Variants in EBF1 observed in about 807,000 individuals in gnomAD.
EBF1 encodes transcription factor COE1.
EBF1 carries 10 observed loss-of-function variants against 68.4 expected under a neutral mutation model. That is an observed-to-expected ratio of 0.15 (90% CI 0.09 to 0.25). EBF1 has a LOEUF of 0.25. Ranked by LOEUF, EBF1 falls within the 10% of genes least tolerant of loss-of-function variation. The probability of loss-of-function intolerance (pLI) is 1.00; values close to 1 mark genes in which losing one functional copy is unlikely to be tolerated. For synonymous variants in EBF1, 298 were observed against 299.8 expected, an observed-to-expected ratio of 0.99 and a Z score of 0.06; for missense variants, 509 against 794.4, an observed-to-expected ratio of 0.64 and a Z score of 4.32.
At position 158,766,582 on chromosome 5, in the gene EBF1, G is replaced by GA. The variant is rs539510240; in HGVS notation, c.1036+10830dup. On this transcript the variant is annotated intron_variant, in intron 10 of 15. Coordinates refer to ENST00000313708, the MANE Select transcript of EBF1 (RefSeq NM_024007.5). ...GCTCTGGAAGCCCTAAACTTCACTA[G>GA]AAAAAAGGGAGAACACCAAATATTC... Among the ~76,000 whole-genome samples, 20 of 152,130 alleles carry GA rather than the reference G, an allele frequency of 1.3e-4. No homozygotes were observed. In the South Asian group the frequency reaches 3.9e-3, roughly 30 times the overall value.
chr5:158,767,004 G>A (rs1450407660), intron 10 of EBF1, among the ~76,000 whole-genome samples: 2 of 152,064 alleles, frequency 1.3e-5, no homozygotes, highest in Admixed American at 6.6e-5. Context: ...TACATATACA[G>A]CTCAGTTCCT....
intron 9 of EBF1, among the ~76,000 whole-genome samples, chr5:158,791,728 C>G (rs1265058778): frequency 6.6e-6 from 1 of 152,154 alleles, no homozygotes; most frequent in Non-Finnish European, 1.5e-5. Flanking sequence ...CTACTTCTGA[C>G]TACACCACTC....
intron 5 of EBF1, among the ~76,000 whole-genome samples, chr5:159,075,315 C>G (rs1283701917): frequency 1.3e-5 from 2 of 152,192 alleles, no homozygotes; most frequent in African/African-American, 4.8e-5. Flanking sequence ...CCTTCAAGTC[C>G]AGGCAAATCT....
At chr5:158,741,635 G>A (rs1032396092) in intron 10 of EBF1, among the ~76,000 whole-genome samples, 2 of 151,552 alleles carry the variant, frequency 1.3e-5, no homozygotes, top group African/African-American at 4.9e-5. Context: ...CCTTAAACTG[G>A]TAGTTTATAC....
chr5:159,006,647 TAAAAAAAAAAAAAAA>T (rs36045942), intron 6 of EBF1, among the ~76,000 whole-genome samples: 2 of 56,226 alleles, frequency 3.6e-5, no homozygotes, highest in Non-Finnish European at 6.0e-5. Flanking sequence ...ATAGCCATGT[TAAAAAAAAAAAAAAA>T]AAAAAAAAAA....
chr5:158,930,170 CT>C (rs893050189), intron 6 of EBF1, among the ~76,000 whole-genome samples: 7 of 149,012 alleles, frequency 4.7e-5, no homozygotes, highest in Non-Finnish European at 6.0e-5. Context: ...GTATCTGTTA[CT>C]TTTTTTTTTC....
intron 9 of EBF1, among the ~76,000 whole-genome samples, chr5:158,778,273 C>T (rs1297333605): frequency 1.3e-5 from 2 of 152,100 alleles, no homozygotes; most frequent in African/African-American, 4.8e-5. Context: ...TTACTCTTAT[C>T]TTTGTTTACA....
At chr5:158,722,659 A>G (rs1249895913) in intron 11 of EBF1, among the ~76,000 whole-genome samples, 2 of 152,350 alleles carry the variant, frequency 1.3e-5, no homozygotes, top group African/African-American at 4.8e-5. Flanking sequence ...CGGTTATCAT[A>G]TGTATCTCCA....
intron 6 of EBF1, among the ~76,000 whole-genome samples, chr5:159,043,059 A>G (rs994727846): frequency 6.6e-6 from 1 of 152,214 alleles, no homozygotes; most frequent in South Asian, 2.1e-4. Context: ...GTCTAATTGA[A>G]TCAGGTACCT....
intron 5 of EBF1, among the ~76,000 whole-genome samples, chr5:159,081,034 G>A (rs958829500): frequency 2.0e-5 from 3 of 152,216 alleles, no homozygotes; most frequent in Admixed American, 6.5e-5. Flanking sequence ...AAGCTGGAGT[G>A]CAGTGGTGCA....
intron 6 of EBF1, among the ~76,000 whole-genome samples, chr5:158,909,658 G>T (rs988576887): frequency 1.3e-5 from 2 of 152,126 alleles, no homozygotes; most frequent in African/African-American, 4.8e-5. Context: ...AGGAGGGGAG[G>T]CCGGGTGCGG....
At position 159,074,671 on chromosome 5, in the gene EBF1, A is replaced by T. The variant is rs368215375; in HGVS notation, c.486-1207T>A. 3.3e-5 allele frequency among the ~76,000 whole-genome samples: 5 copies of T among 152,212 alleles called. No individual in the cohort carries two copies. In the East Asian group the frequency reaches 9.6e-4, roughly 29 times the overall value. On this transcript the variant is annotated intron_variant, in intron 5 of 15. Coordinates refer to ENST00000313708, the MANE Select transcript of EBF1 (RefSeq NM_024007.5). ...AAATTGGAAAGTCTCTTTTCTTGCC[A>T]TAACTATGCCTCTGAGAAGAGAATT... is the stretch of plus-strand genomic sequence containing the variant.
At chr5:158,764,769 G>A (rs1430296428) in intron 10 of EBF1, among the ~76,000 whole-genome samples, 2 of 152,078 alleles carry the variant, frequency 1.3e-5, no homozygotes, top group African/African-American at 4.8e-5. Context: ...AATAAAACTG[G>A]GATAAGTCCA....
intron 5 of EBF1, among the ~76,000 whole-genome samples, chr5:159,078,200 C>T (rs1485394386): frequency 1.3e-5 from 2 of 152,208 alleles, no homozygotes; most frequent in African/African-American, 4.8e-5. Flanking sequence ...TGCCACAATG[C>T]TCTTTCCTGC....
chr5:158,951,474 T>A (rs1342917208), intron 6 of EBF1, among the ~76,000 whole-genome samples: 1 of 152,152 alleles, frequency 6.6e-6, no homozygotes, highest in East Asian at 1.9e-4. Flanking sequence ...CACAGTAAAA[T>A]CCATCATGAA....
chr5:158,921,266 A>G (rs1305032541), intron 6 of EBF1, among the ~76,000 whole-genome samples: 3 of 152,162 alleles, frequency 2.0e-5, no homozygotes, highest in Non-Finnish European at 4.4e-5. Flanking sequence ...AATTCTATAC[A>G]GCTTGCCTAA....
chr5:159,054,036 G>A (rs891985788), intron 6 of EBF1, among the ~76,000 whole-genome samples: 6 of 152,206 alleles, frequency 3.9e-5, no homozygotes, highest in African/African-American at 7.2e-5. Flanking sequence ...AATCGTTACC[G>A]AATTCCCTAG....
At chr5:158,898,603 T>C (rs1045173735) in intron 6 of EBF1, among the ~76,000 whole-genome samples, 1 of 152,260 alleles carries the variant, frequency 6.6e-6, no homozygotes, top group Non-Finnish European at 1.5e-5. Flanking sequence ...TTGTTGGGTA[T>C]AAATTCACAT....
At chr5:158,915,972 C>T (rs1002549785) in intron 6 of EBF1, among the ~76,000 whole-genome samples, 3 of 152,112 alleles carry the variant, frequency 2.0e-5, no homozygotes, top group East Asian at 1.9e-4. Flanking sequence ...TTTACTGATT[C>T]GCAATGTCCT....
Sources: allele counts gnomAD v4.1 joint callset (sites outside exome capture counted in the v4.1 genomes callset), GRCh38; gene constraint gnomAD v4.1.1; transcripts MANE v1.5; gene names NCBI Gene and HGNC (gene_info 2026-07-23, HGNC 2026-07-21).